Variants in TMCO5A observed in about 807,000 individuals in gnomAD.
TMCO5A encodes transmembrane and coiled-coil domain-containing protein 5A.
In TMCO5A, 34 loss-of-function variants were observed where a neutral mutation model predicts 42.3. The observed-to-expected ratio is 0.80, with a 90% CI of 0.61 to 1.07. The LOEUF is 1.07. TMCO5A is among the 50% of genes least tolerant of loss of function. TMCO5A has a pLI of 0.00. For synonymous variants in TMCO5A, 131 were observed against 115.6 expected, an observed-to-expected ratio of 1.13 and a Z score of -0.86; for missense variants, 357 against 327.9, an observed-to-expected ratio of 1.09 and a Z score of -0.69.
the TMCO5A span, among the ~76,000 whole-genome samples, chr15:37,980,340 G>A: frequency 6.6e-6 from 1 of 152,306 alleles, no homozygotes; most frequent in African/African-American, 2.4e-5. Flanking sequence ...AAGATCCTCA[G>A]GAAGCCACGT....
the TMCO5A span, among the ~76,000 whole-genome samples, chr15:37,990,382 T>C: frequency 6.6e-6 from 1 of 152,120 alleles, no homozygotes; most frequent in Non-Finnish European, 1.5e-5. Flanking sequence ...TTCCTTGTGA[T>C]TGTTTTAATC....
the TMCO5A span, among the ~76,000 whole-genome samples, chr15:38,031,441 A>T: frequency 6.6e-6 from 1 of 152,114 alleles, no homozygotes; most frequent in Non-Finnish European, 1.5e-5. Flanking sequence ...CAACTCCTGC[A>T]CTCAGGTCAT....
At position 37,936,374 on chromosome 15, in the gene TMCO5A, C is replaced by T; in HGVS notation, c.51C>T (p.Asn17=). The T allele has an allele frequency of 6.2e-7, 1 of 1,613,068 alleles. No individual in the cohort carries two copies. The highest frequency in any genetic ancestry group is 8.5e-7 in the Non-Finnish European group (1 of 1,179,426). ...CAAAAAGAAACATTATCAGTTTGAA[C>T]ATGGACCTTGAAAGGGATACGCAGA... is the stretch of plus-strand genomic sequence containing the variant. The part of the protein sequence containing the change: ...AQSKRNIISL[N]MDLERDTQRI... The change falls in exon 3 of 12, where the codon AAC becomes AAT. Residue 17 remains asparagine (N), a synonymous_variant. Transcript: ENST00000319669.
chr15:37,946,243 C>T (rs1889949465), intron 10 of TMCO5A, among the ~76,000 whole-genome samples: 1 of 152,052 alleles, frequency 6.6e-6, no homozygotes, highest in African/African-American at 2.4e-5. Flanking sequence ...TGTACTAGTA[C>T]CACGCTGTTT....
chr15:37,942,274 A>G lies in TMCO5A; in HGVS notation c.569+19A>G. 6.2e-7 allele frequency: 1 copy of G among 1,610,688 alleles called. No homozygotes were observed. The highest frequency in any genetic ancestry group is 8.5e-7 in the Non-Finnish European group (1 of 1,178,142). On this transcript the variant is annotated intron_variant, in intron 9 of 11. Coordinates refer to ENST00000319669, the MANE Select transcript of TMCO5A (RefSeq NM_152453.4). Reference sequence around the variant, plus strand: ...GAGAAGTGTGAGCTTTGGCAAAGGAACATCCTGGTTTTGGTAGAAACTCCA... The same window carrying G: ...GAGAAGTGTGAGCTTTGGCAAAGGAGCATCCTGGTTTTGGTAGAAACTCCA...
chr15:37,986,737 T>C, the TMCO5A span, among the ~76,000 whole-genome samples: 1 of 152,036 alleles, frequency 6.6e-6, no homozygotes, highest in Non-Finnish European at 1.5e-5. Flanking sequence ...TTTCACTTTA[T>C]ATGTCTTCAA....
intron 6 of TMCO5A, among the ~76,000 whole-genome samples, chr15:37,940,511 C>T (rs1889694859): frequency 6.6e-6 from 1 of 152,178 alleles, no homozygotes; most frequent in Non-Finnish European, 1.5e-5. Context: ...CTACCACCTC[C>T]TCTCACACCA....
At chr15:37,960,016 CT>C (rs960796987) in intron 11 of TMCO5A, among the ~76,000 whole-genome samples, 1 of 151,880 alleles carries the variant, frequency 6.6e-6, no homozygotes. Context: ...AAATCAGTAA[CT>C]TTTTTTATAA....
chr15:37,959,570 G>C (rs923897582), intron 11 of TMCO5A, among the ~76,000 whole-genome samples: 2 of 151,664 alleles, frequency 1.3e-5, no homozygotes, highest in Non-Finnish European at 2.9e-5. Flanking sequence ...TATATCAACA[G>C]AATGAAGGAA....
At chr15:37,976,510 G>A in the TMCO5A span, among the ~76,000 whole-genome samples, 69 of 152,236 alleles carry the variant, frequency 4.5e-4, no homozygotes, top group Admixed American at 3.3e-3. Context: ...TTTCCAAGTT[G>A]CTTGCTTTCT....
chr15:37,958,854 G>T (rs1289427724), intron 11 of TMCO5A, among the ~76,000 whole-genome samples: 1 of 152,002 alleles, frequency 6.6e-6, no homozygotes, highest in African/African-American at 2.4e-5. Context: ...CAATAGCAAA[G>T]ACTTGGAACC....
In TMCO5A at chr15:37,951,246, A is replaced by C; in HGVS notation, c.*12A>C. The C allele has an allele frequency of 6.2e-7, 1 of 1,612,568 alleles. No individual in the cohort carries two copies. Among genetic ancestry groups the C allele is most frequent in the Admixed American group, 1.7e-5 (1 of 59,910 alleles). On this transcript the variant is annotated 3_prime_UTR_variant, in exon 12 of 12. Transcript: ENST00000319669. ...TGTTACCCCACTGATTCCCTAAGAA[A>C]TATCCTTGAGCAATAGAAGGGAAGT...
chr15:37,950,988 A>G, intron 11 of TMCO5A, 48 bp from the exon 12 acceptor site: 1 of 1,550,670 alleles, frequency 6.4e-7, no homozygotes, highest in Non-Finnish European at 8.8e-7. Flanking sequence ...TTTTTGTTCC[A>G]AGTTTTCTAA....
At chr15:37,983,137 C>T in the TMCO5A span, among the ~76,000 whole-genome samples, 2 of 152,086 alleles carry the variant, frequency 1.3e-5, no homozygotes, top group Admixed American at 1.3e-4. Flanking sequence ...TGTCAGCAGA[C>T]CCAGAAAGAG....
At chr15:38,000,562 T>G in the TMCO5A span, among the ~76,000 whole-genome samples, 1 of 152,124 alleles carries the variant, frequency 6.6e-6, no homozygotes, top group Non-Finnish European at 1.5e-5. Flanking sequence ...ATTTTGAATT[T>G]GATTTGCTCT....
the TMCO5A span, among the ~76,000 whole-genome samples, chr15:38,033,167 A>T: frequency 2.0e-4 from 30 of 151,982 alleles, no homozygotes; most frequent in Admixed American, 5.9e-4. Flanking sequence ...TGACCTCGTG[A>T]TCCACCCGCC....
chr15:37,947,685 A>T lies in TMCO5A; in HGVS notation c.657A>T (p.Leu219Phe). The change falls in exon 11 of 12, where the codon TTA (leucine) becomes TTT (phenylalanine). Residue 219 changes from leucine to phenylalanine, a missense_variant. By Grantham distance (22) the Leu-to-Phe change is conservative. Transcript: ENST00000319669. The part of the protein sequence containing the change: ...EGTPTQKTAR[L>F]FSKKIFCCLF... The stretch of plus-strand genomic sequence containing the variant: ...CTCCTACCCAAAAGACAGCAAGATT[A>T]TTCAGTAAAAAGTAAGTAAAATATC... The T allele has an allele frequency of 6.2e-7, 1 of 1,600,188 alleles. No individual in the cohort carries two copies. The highest frequency in any genetic ancestry group is 8.5e-7 in the Non-Finnish European group (1 of 1,170,966).
At chr15:37,967,664 C>T (rs1890587228) in exon 12 of TMCO5A, 1 of 152,116 alleles carries the variant, frequency 6.6e-6, no homozygotes, top group South Asian at 2.1e-4. Flanking sequence ...CTATTCACTG[C>T]AGTGAAGTAT....
chr15:37,943,604 A>G, intron 10 of TMCO5A: 1 of 535,768 alleles, frequency 1.9e-6, no homozygotes, highest in Admixed American at 3.6e-5. Flanking sequence ...ATTCAGCCAT[A>G]CAAATAACAG....
Sources: gnomAD v4.1 joint callset for allele counts (sites outside exome capture counted in the v4.1 genomes callset) on GRCh38, gnomAD v4.1.1 for gene constraint, MANE v1.5 for transcripts, NCBI Gene and HGNC (gene_info 2026-07-23, HGNC 2026-07-21) for gene names.